Variants in SGCZ observed in about 807,000 individuals in gnomAD.
The protein encoded by SGCZ is sarcoglycan zeta.
A neutral mutation model predicts 41.3 loss-of-function variants in SGCZ; 40 were observed. That is an observed-to-expected ratio of 0.97 (90% CI 0.75 to 1.26). The LOEUF (loss-of-function observed/expected upper bound fraction) is 1.26. SGCZ is among the 50% of genes most tolerant of loss of function. SGCZ has a pLI of 0.00. For missense variants in SGCZ, 552 were observed against 369.8 expected (o/e 1.49, Z -4.04); for synonymous variants, 206 against 137.5 (o/e 1.50, Z -3.49).
chr8:14,857,618 C>T (rs544886122), intron 1 of SGCZ, among the ~76,000 whole-genome samples: 3 of 152,288 alleles, frequency 2.0e-5, no homozygotes, highest in African/African-American at 7.2e-5. Flanking sequence ...AATCCCAGCA[C>T]TTTGCAAGGC....
intron 1 of SGCZ, among the ~76,000 whole-genome samples, chr8:14,795,684 C>T (rs771162317): frequency 2.0e-5 from 3 of 152,066 alleles, no homozygotes; most frequent in Non-Finnish European, 2.9e-5. Context: ...TTTAAACTTT[C>T]ATTTCAAGTT....
At chr8:14,207,927 G>A (rs1416028468) in intron 4 of SGCZ, among the ~76,000 whole-genome samples, 28 of 152,088 alleles carry the variant, frequency 1.8e-4, no homozygotes, top group Non-Finnish European at 1.5e-5. Context: ...GATGAGCATG[G>A]TACTACTTAT....
Position 14,089,168 on chromosome 8 carries a change from T to A in SGCZ, c.*1275A>T, listed in dbSNP as rs1347156456. Reference sequence around the variant, plus strand: ...ATATACAAAAATAAGCATTGGAAAATGAAAAGAACTATAATTTTTGAGGTC... The same window carrying A: ...ATATACAAAAATAAGCATTGGAAAAAGAAAAGAACTATAATTTTTGAGGTC... On this transcript the variant is annotated 3_prime_UTR_variant, in exon 8 of 8. Transcript: ENST00000382080. 6.6e-6 allele frequency among the ~76,000 whole-genome samples: 1 copy of A among 151,844 alleles called. No homozygotes were observed. The highest frequency in any genetic ancestry group is 2.4e-5 in the African/African-American group (1 of 41,374).
chr8:14,551,457 ATATATATTATATATATTATATAT>A (rs1803809984), intron 2 of SGCZ, among the ~76,000 whole-genome samples: 4 of 6,926 alleles, frequency 5.8e-4, no homozygotes, highest in African/African-American at 2.0e-3. Flanking sequence ...TATATATATT[ATATATATTATATATATTATATAT>A]TATATATATT....
At chr8:15,167,490 C>A (rs1563162176) in intron 1 of SGCZ, among the ~76,000 whole-genome samples, 1 of 152,166 alleles carries the variant, frequency 6.6e-6, no homozygotes, top group Non-Finnish European at 1.5e-5. Flanking sequence ...AGGATGCAAA[C>A]CCATGGTTGT....
At chr8:14,163,492 C>T (rs1490215098) in intron 5 of SGCZ, among the ~76,000 whole-genome samples, 1 of 152,132 alleles carries the variant, frequency 6.6e-6, no homozygotes, top group East Asian at 1.9e-4. Context: ...CTGTCTCTGA[C>T]ATTTGCAGTA....
At chr8:15,096,399 T>A (rs1467471203) in intron 1 of SGCZ, among the ~76,000 whole-genome samples, 1 of 152,126 alleles carries the variant, frequency 6.6e-6, no homozygotes, top group Non-Finnish European at 1.5e-5. Flanking sequence ...AGAAATAGTT[T>A]ATTGAAATTC....
At chr8:14,348,078 G>A (rs1802953516) in intron 2 of SGCZ, among the ~76,000 whole-genome samples, 1 of 152,002 alleles carries the variant, frequency 6.6e-6, no homozygotes, top group Non-Finnish European at 1.5e-5. Flanking sequence ...CCCAGCTGCA[G>A]ACTTCTCCCC....
chr8:14,675,817 C>T (rs1294489660), intron 1 of SGCZ, among the ~76,000 whole-genome samples: 1 of 152,148 alleles, frequency 6.6e-6, no homozygotes, highest in African/African-American at 2.4e-5. Flanking sequence ...GAGCTCATTG[C>T]ATGGAATGAA....
chr8:15,067,924 A>G (rs1364896014), intron 1 of SGCZ, among the ~76,000 whole-genome samples: 1 of 152,174 alleles, frequency 6.6e-6, no homozygotes, highest in Non-Finnish European at 1.5e-5. Context: ...AATAAAAATG[A>G]CCAAAATAAG....
intron 1 of SGCZ, among the ~76,000 whole-genome samples, chr8:15,182,052 G>A: frequency 6.6e-6 from 1 of 152,102 alleles, no homozygotes; most frequent in East Asian, 1.9e-4. Flanking sequence ...TGAAAAAATA[G>A]AGGAAACCAT....
At chr8:15,176,418 A>G (rs564916015) in intron 1 of SGCZ, among the ~76,000 whole-genome samples, 6 of 152,216 alleles carry the variant, frequency 3.9e-5, no homozygotes, top group Non-Finnish European at 7.3e-5. Context: ...ATTTGACGGC[A>G]AATAGTCTAA....
chr8:14,718,956 A>C, intron 1 of SGCZ, among the ~76,000 whole-genome samples: 1 of 145,108 alleles, frequency 6.9e-6, no homozygotes, highest in African/African-American at 2.6e-5. Context: ...GCACCCATTA[A>C]CTCGTCATTT....
chr8:14,328,330 T>G (rs1802195715), intron 2 of SGCZ, among the ~76,000 whole-genome samples: 1 of 152,194 alleles, frequency 6.6e-6, no homozygotes. Context: ...AATTTTCTGT[T>G]CAGGAAGACA....
intron 1 of SGCZ, among the ~76,000 whole-genome samples, chr8:15,017,575 C>G (rs1803085197): frequency 6.6e-6 from 1 of 152,148 alleles, no homozygotes; most frequent in Admixed American, 6.5e-5. Flanking sequence ...AACCACGGCT[C>G]AATGCAGCCT....
chr8:14,177,958 C>CTTTTCTTTTTTTTTCTTTTTT (rs767919994), intron 4 of SGCZ, among the ~76,000 whole-genome samples: 2 of 95,050 alleles, frequency 2.1e-5, no homozygotes, highest in Admixed American at 1.3e-4. Flanking sequence ...CTTTTTTTTT[C>CTTTTCTTTTTTTTTCTTTTTT]TTTTTTTTTT....
At chr8:14,393,168 G>A (rs946487438) in intron 2 of SGCZ, among the ~76,000 whole-genome samples, 5 of 152,146 alleles carry the variant, frequency 3.3e-5, no homozygotes, top group South Asian at 4.1e-4. Context: ...AAAGTAGTGC[G>A]ATATTGATAT....
chr8:14,336,947 G>A (rs940742605), intron 2 of SGCZ, among the ~76,000 whole-genome samples: 1 of 152,024 alleles, frequency 6.6e-6, no homozygotes, highest in African/African-American at 2.4e-5. Flanking sequence ...GTTTTCAATT[G>A]TTCTACTTGC....
intron 1 of SGCZ, among the ~76,000 whole-genome samples, chr8:15,234,326 C>T (rs144476561): frequency 6.6e-6 from 1 of 152,288 alleles, no homozygotes; most frequent in African/African-American, 2.4e-5. Flanking sequence ...CATTAACACC[C>T]ACATTTCCAA....
Sources: gnomAD v4.1 joint callset for allele counts (sites outside exome capture counted in the v4.1 genomes callset) on GRCh38, gnomAD v4.1.1 for gene constraint, MANE v1.5 for transcripts, NCBI Gene and HGNC (gene_info 2026-07-23, HGNC 2026-07-21) for gene names.